RBMS3: variants seen among roughly 807,000 people sequenced by gnomAD.
RBMS3 encodes the protein RNA binding motif single stranded interacting protein 3.
A neutral mutation model predicts 66.8 loss-of-function variants in RBMS3; 27 were observed. The ratio of observed to expected loss-of-function variants is 0.40; its 90% CI spans 0.30 to 0.56. The LOEUF (loss-of-function observed/expected upper bound fraction) is 0.56, where lower values mean the gene tolerates loss of function less well. Among genes scored for constraint, RBMS3 ranks in the 20% least tolerant of loss-of-function variants. RBMS3 has a pLI of 0.40. For synonymous variants in RBMS3, 188 were observed against 183.0 expected (o/e 1.03, Z -0.22); for missense variants, 513 against 549.5 (o/e 0.93, Z 0.66).
chr3:29,653,969 C>T (rs1460515473), intron 4 of RBMS3, among the ~76,000 whole-genome samples: 1 of 152,138 alleles, frequency 6.6e-6, no homozygotes, highest in Non-Finnish European at 1.5e-5. Context: ...TTATTCAGCA[C>T]ATATCTACTG....
chr3:29,909,991 T>C (rs969007564), intron 10 of RBMS3, among the ~76,000 whole-genome samples: 2 of 152,140 alleles, frequency 1.3e-5, no homozygotes, highest in Non-Finnish European at 2.9e-5. Context: ...TTGGATAGTA[T>C]TTAGAATTTC....
intron 1 of RBMS3, among the ~76,000 whole-genome samples, chr3:29,347,785 AC>A (rs1406862037): frequency 1.3e-5 from 2 of 152,194 alleles, no homozygotes; most frequent in East Asian, 3.8e-4. Context: ...CCGTGGCAGC[AC>A]CCTTAAGAGG....
chr3:29,862,215 T>C (rs2059232981), intron 6 of RBMS3, among the ~76,000 whole-genome samples: 1 of 152,174 alleles, frequency 6.6e-6, no homozygotes, highest in Non-Finnish European at 1.5e-5. Flanking sequence ...CTGGTTAAAA[T>C]ATAGATTTTG....
At chr3:29,725,818 C>T (rs1260280906) in intron 4 of RBMS3, among the ~76,000 whole-genome samples, 1 of 152,056 alleles carries the variant, frequency 6.6e-6, no homozygotes, top group Non-Finnish European at 1.5e-5. Context: ...GAAACTATTC[C>T]AAACAATAGA....
intron 3 of RBMS3, among the ~76,000 whole-genome samples, chr3:29,501,621 A>G (rs1469269593): frequency 6.6e-6 from 1 of 152,052 alleles, no homozygotes; most frequent in African/African-American, 2.4e-5. Context: ...GCATTTACCA[A>G]CATCTCTATC....
At chr3:29,734,291 A>T (rs1478867248) in intron 4 of RBMS3, among the ~76,000 whole-genome samples, 1 of 152,124 alleles carries the variant, frequency 6.6e-6, no homozygotes, top group Non-Finnish European at 1.5e-5. Flanking sequence ...ACCAGGTACA[A>T]AATTACAGCT....
intron 1 of RBMS3, among the ~76,000 whole-genome samples, chr3:29,386,587 G>A (rs1369171217): frequency 6.6e-6 from 1 of 152,066 alleles, no homozygotes; most frequent in East Asian, 1.9e-4. Flanking sequence ...AGCAGCAATT[G>A]TTGCTCTCCT....
At chr3:29,878,556 A>G (rs2059664243) in intron 7 of RBMS3, among the ~76,000 whole-genome samples, 1 of 151,990 alleles carries the variant, frequency 6.6e-6, no homozygotes, top group South Asian at 2.1e-4. Context: ...CTACTTTTGT[A>G]TTCTACTGAC....
intron 4 of RBMS3, among the ~76,000 whole-genome samples, chr3:29,701,577 G>A (rs553977156): frequency 1.3e-5 from 2 of 152,244 alleles, no homozygotes; most frequent in African/African-American, 4.8e-5. Flanking sequence ...AGGTGTGGAG[G>A]GAGAGGCGCA....
At chr3:29,872,456 A>G (rs910701222) in intron 7 of RBMS3, among the ~76,000 whole-genome samples, 5 of 152,014 alleles carry the variant, frequency 3.3e-5, no homozygotes, top group South Asian at 4.2e-4. Flanking sequence ...ACCTTCATCT[A>G]GATAAGTCAT....
intron 5 of RBMS3, among the ~76,000 whole-genome samples, chr3:29,754,491 T>G (rs1407877475): frequency 6.6e-6 from 1 of 152,144 alleles, no homozygotes; most frequent in Admixed American, 6.5e-5. Flanking sequence ...GCTTACCCAG[T>G]TGACTGACCT....
rs71091081 is a variant in RBMS3 at position 29,853,423 on chromosome 3, C to CTTTTTTTTTTTTTTTTTTTTTTTTTTT, written c.638-15413_638-15412insTTTTTTTTTTTTTTTTTTTTTTTTTTT. ...TGTATCTTAAGCTACAATTTACTTT[C>CTTTTTTTTTTTTTTTTTTTTTTTTTTT]TTTTTTTTTTTTTTTTTTTTTTGCA... On this transcript the variant is annotated intron_variant, in intron 6 of 14. Coordinates refer to ENST00000383767, the MANE Select transcript of RBMS3 (RefSeq NM_001003793.3). Among the ~76,000 whole-genome samples the CTTTTTTTTTTTTTTTTTTTTTTTTTTT allele has an allele frequency of 1.9e-4, 16 of 84,526 alleles. 4 individuals carry two copies. The highest frequency in any genetic ancestry group is 8.7e-4 in the African/African-American group (16 of 18,406). 55.5% of individuals were successfully genotyped at this position (84,526 alleles called of 152,430 possible).
chr3:29,302,354 A>G (rs1035171221), intron 1 of RBMS3, among the ~76,000 whole-genome samples: 4 of 152,052 alleles, frequency 2.6e-5, no homozygotes, highest in East Asian at 3.9e-4. Context: ...TTATTGTTGT[A>G]TACAAAATAG....
At chr3:29,980,231 C>T (rs1022462175) in intron 12 of RBMS3, among the ~76,000 whole-genome samples, 6 of 152,066 alleles carry the variant, frequency 3.9e-5, no homozygotes, top group Non-Finnish European at 8.8e-5. Flanking sequence ...ACACAAATGT[C>T]TTCTTTTGAG....
intron 4 of RBMS3, among the ~76,000 whole-genome samples, chr3:29,608,754 T>G (rs927210882): frequency 6.6e-6 from 1 of 152,008 alleles, no homozygotes; most frequent in Non-Finnish European, 1.5e-5. Flanking sequence ...ACCCTTTAAC[T>G]AGAATAGCTG....
intron 12 of RBMS3, among the ~76,000 whole-genome samples, chr3:29,962,567 T>TATATATATATATATAA (rs1319441592): frequency 1.3e-5 from 2 of 150,780 alleles, no homozygotes; most frequent in African/African-American, 4.9e-5. Flanking sequence ...TATATATATA[T>TATATATATATATATAA]AATACCATAC....
At chr3:29,663,600 A>C (rs1043784116) in intron 4 of RBMS3, among the ~76,000 whole-genome samples, 3 of 152,212 alleles carry the variant, frequency 2.0e-5, no homozygotes, top group Non-Finnish European at 2.9e-5. Flanking sequence ...GATGAATTAA[A>C]GGTAAGAGGC....
intron 4 of RBMS3, among the ~76,000 whole-genome samples, chr3:29,664,672 A>C (rs986956013): frequency 4.0e-5 from 6 of 151,524 alleles, no homozygotes; most frequent in African/African-American, 1.5e-4. Context: ...TAGTAGGCTC[A>C]GATGATTAAA....
chr3:29,774,920 A>T (rs998638368), intron 6 of RBMS3, among the ~76,000 whole-genome samples: 3 of 151,822 alleles, frequency 2.0e-5, no homozygotes, highest in Non-Finnish European at 2.9e-5. Context: ...AAACATCTAA[A>T]TTTTTTTATT....
Sources: gnomAD v4.1 joint callset for allele counts (sites outside exome capture counted in the v4.1 genomes callset) on GRCh38, gnomAD v4.1.1 for gene constraint, MANE v1.5 for transcripts, NCBI Gene and HGNC (gene_info 2026-07-23, HGNC 2026-07-21) for gene names.